MEGF10: variants seen among roughly 807,000 people sequenced by gnomAD.
MEGF10 encodes multiple EGF like domains 10, also known as multiple epidermal growth factor-like domains protein 10.
Under a neutral mutation model 147.5 loss-of-function variants are expected in MEGF10, and 86 were observed. That is an observed-to-expected ratio of 0.58 (90% CI 0.49 to 0.70). MEGF10 has a LOEUF of 0.70. Ranked by LOEUF, MEGF10 falls within the 30% of genes least tolerant of loss-of-function variation. The pLI is 0.00. For missense variants in MEGF10, 1,329 were observed against 1,487.3 expected (o/e 0.89, Z 1.75); for synonymous variants, 478 against 525.5 (o/e 0.91, Z 1.24).
chr5:127,243,400 C>T, the MEGF10 span, among the ~76,000 whole-genome samples: 1 of 152,058 alleles, frequency 6.6e-6, no homozygotes, highest in Non-Finnish European at 1.5e-5. Context: ...ATTTATCCCT[C>T]CCAAAAAAGC....
intron 5 of MEGF10, among the ~76,000 whole-genome samples, chr5:127,376,731 T>C (rs1309847723): frequency 1.3e-5 from 2 of 152,218 alleles, no homozygotes; most frequent in East Asian, 3.8e-4. Flanking sequence ...GGAATTACTC[T>C]CTTAATGGCC....
At chr5:127,455,262 C>T in intron 23 of MEGF10, 139 bp from the exon 24 acceptor site, 1 of 788,058 alleles carries the variant, frequency 1.3e-6, no homozygotes, top group Middle Eastern at 3.9e-4. Context: ...CTCTCCAAAA[C>T]AAGTGGAAAA....
At chr5:127,263,132 C>A in the MEGF10 span, among the ~76,000 whole-genome samples, 1 of 151,964 alleles carries the variant, frequency 6.6e-6, no homozygotes, top group Non-Finnish European at 1.5e-5. Context: ...TTGAAACATA[C>A]TATGGTAAGC....
At chr5:127,355,713 G>GTTGCTTTAC (rs1281239993) in intron 4 of MEGF10, among the ~76,000 whole-genome samples, 1 of 152,112 alleles carries the variant, frequency 6.6e-6, no homozygotes, top group Non-Finnish European at 1.5e-5. Flanking sequence ...AGAAACCTTT[G>GTTGCTTTAC]TTGCTTTACT....
chr5:127,304,301 C>G (rs564147680), intron 1 of MEGF10, among the ~76,000 whole-genome samples: 6 of 152,272 alleles, frequency 3.9e-5, no homozygotes, highest in South Asian at 2.1e-4. Context: ...CCTGAGAGAG[C>G]CTGAGAGGTG....
Position 127,454,457 on chromosome 5 carries a change from C to CTGG in MEGF10, c.2981-107_2981-105dup, listed in dbSNP as rs1293790667. 3.4e-6 allele frequency: 3 copies of CTGG among 870,248 alleles called. No homozygotes were observed. In the East Asian group the frequency reaches 7.7e-5, roughly 22 times the overall value. The allele number at this position is 870,248 out of a possible 1,614,324, so 53.9% of individuals were successfully genotyped here. A position where few individuals can be genotyped will look rare whatever the true frequency, so the allele number is the denominator to read the frequency against. ...GTGTAAAGGCTTGAAGAGCAGCAGCCTGGTTGTTTGCTGCAGTGGGAGATC... is the reference window on the plus strand; with the variant it reads ...GTGTAAAGGCTTGAAGAGCAGCAGCCTGGTGGTTGTTTGCTGCAGTGGGAGATC... On this transcript the variant is annotated intron_variant, in intron 22 of 24. Transcript: ENST00000503335.
chr5:127,335,163 T>A (rs74867990), intron 2 of MEGF10, among the ~76,000 whole-genome samples: 4,474 of 152,224 alleles, frequency 0.029, 116 homozygotes, highest in East Asian at 0.11. Flanking sequence ...TTGGGATCAG[T>A]TTTTTAAAAT....
rs955248942 is a variant in MEGF10, at chr5:127,381,988, A to C, written c.412+11986A>C. On this transcript the variant is annotated intron_variant, in intron 5 of 24. Coordinates refer to ENST00000503335, the MANE Select transcript of MEGF10 (RefSeq NM_001256545.2). The stretch of plus-strand genomic sequence containing the variant: ...ACCCAGCCTGTTCTGGTTTATTTTT[A>C]TAATTCGGCGTCTGTCATGGCTATA... Among the ~76,000 whole-genome samples the C allele has an allele frequency of 2.0e-5, 3 of 152,190 alleles. No homozygotes were observed. The South Asian group carries it at 6.2e-4, about 31-fold the overall frequency.
chr5:127,341,515 A>G (rs900737411), intron 4 of MEGF10, among the ~76,000 whole-genome samples: 2 of 152,134 alleles, frequency 1.3e-5, no homozygotes, highest in Non-Finnish European at 1.5e-5. Flanking sequence ...GTGGCCTCAG[A>G]TAAACCATTT....
intron 9 of MEGF10, among the ~76,000 whole-genome samples, chr5:127,417,287 T>A (rs1764812174): frequency 6.6e-6 from 1 of 152,228 alleles, no homozygotes; most frequent in African/African-American, 2.4e-5. Flanking sequence ...TTAACTGGTT[T>A]GGTATTGTCC....
chr5:127,332,284 G>GTTTAAACTTGTT (rs150201589), intron 2 of MEGF10, among the ~76,000 whole-genome samples: 2,752 of 152,278 alleles, frequency 0.018, 71 homozygotes, highest in East Asian at 0.11. Flanking sequence ...TCCAAAAACT[G>GTTTAAACTTGTT]TAAATGCAAG....
At chr5:127,266,006 C>G in the MEGF10 span, among the ~76,000 whole-genome samples, 1 of 152,114 alleles carries the variant, frequency 6.6e-6, no homozygotes, top group African/African-American at 2.4e-5. Context: ...ATGCCTATGT[C>G]CTGAATGGCA....
intron 1 of MEGF10, among the ~76,000 whole-genome samples, chr5:127,307,573 T>C (rs1017925340): frequency 3.3e-5 from 5 of 152,196 alleles, no homozygotes; most frequent in African/African-American, 1.2e-4. Flanking sequence ...TGGCTCATGG[T>C]GAGGGCACAG....
At chr5:127,269,697 T>C in the MEGF10 span, among the ~76,000 whole-genome samples, 1 of 152,122 alleles carries the variant, frequency 6.6e-6, no homozygotes. Context: ...TTCCCCGATC[T>C]AGCAAGGCAG....
At chr5:127,444,955 T>C (rs1765886479) in intron 19 of MEGF10, among the ~76,000 whole-genome samples, 3 of 152,214 alleles carry the variant, frequency 2.0e-5, no homozygotes, top group Admixed American at 2.0e-4. Context: ...ATAAGCTCAG[T>C]ATTGAATAAT....
At chr5:127,432,923 G>C (rs1256887885) in intron 13 of MEGF10, among the ~76,000 whole-genome samples, 2 of 152,124 alleles carry the variant, frequency 1.3e-5, no homozygotes, top group African/African-American at 4.8e-5. Context: ...TTTCATCCAG[G>C]GGAGGGTTTT....
chr5:127,384,331 T>A (rs935977491), intron 5 of MEGF10, among the ~76,000 whole-genome samples: 1 of 152,308 alleles, frequency 6.6e-6, no homozygotes, highest in African/African-American at 2.4e-5. Context: ...GAATAAATGA[T>A]CAACAGAATA....
the MEGF10 span, among the ~76,000 whole-genome samples, chr5:127,273,932 C>A: frequency 6.6e-6 from 1 of 152,164 alleles, no homozygotes; most frequent in South Asian, 2.1e-4. Flanking sequence ...AAACTCATTT[C>A]TTTGTTCACA....
At chr5:127,297,186 C>G (rs1043206640) in intron 1 of MEGF10, among the ~76,000 whole-genome samples, 1 of 152,084 alleles carries the variant, frequency 6.6e-6, no homozygotes, top group Non-Finnish European at 1.5e-5. Context: ...AGGCTGGTCT[C>G]GAACTCCTGA....
Sources: gnomAD v4.1 joint callset for allele counts (sites outside exome capture counted in the v4.1 genomes callset) on GRCh38, gnomAD v4.1.1 for gene constraint, MANE v1.5 for transcripts, NCBI Gene and HGNC (gene_info 2026-07-23, HGNC 2026-07-21) for gene names.